The following HAUS8 variants were observed in gnomAD, a reference collection of about 807,000 sequenced individuals.
The protein encoded by HAUS8 is HAUS augmin like complex subunit 8, also known as HAUS augmin-like complex subunit 8.
A neutral mutation model predicts 42.9 loss-of-function variants in HAUS8; 38 were observed. The ratio of observed to expected loss-of-function variants is 0.89; its 90% confidence interval spans 0.68 to 1.16. HAUS8 has a LOEUF of 1.16. Ranked by LOEUF, HAUS8 falls within the 50% of genes most tolerant of loss-of-function variation. The probability of loss-of-function intolerance (pLI) is 0.00; values close to 1 mark genes in which losing one functional copy is unlikely to be tolerated. For missense variants in HAUS8, 494 were observed against 511.6 expected, an observed-to-expected ratio of 0.97 and a Z score of 0.33; for synonymous variants, 199 against 205.8, an observed-to-expected ratio of 0.97 and a Z score of 0.28.
At chr19:17,063,850 C>G (rs1035418863) in intron 3 of HAUS8, among the ~76,000 whole-genome samples, 2 of 152,190 alleles carry the variant, frequency 1.3e-5, no homozygotes, top group African/African-American at 2.4e-5. Context: ...CTGGTCTCAG[C>G]CCTTCAGACT....
At chr19:17,056,641 A>C (rs944471604) in intron 8 of HAUS8, among the ~76,000 whole-genome samples, 3 of 152,124 alleles carry the variant, frequency 2.0e-5, no homozygotes, top group Non-Finnish European at 2.9e-5. Flanking sequence ...CCCAGGCTGG[A>C]GTGCAGCGGC....
intron 4 of HAUS8, among the ~76,000 whole-genome samples, chr19:17,062,371 G>A (rs1034457122): frequency 6.6e-6 from 1 of 152,168 alleles, no homozygotes; most frequent in Non-Finnish European, 1.5e-5. Context: ...ACCTCAGGAT[G>A]AGTCCTCACA....
intron 10 of HAUS8, among the ~76,000 whole-genome samples, chr19:17,050,415 G>T (rs2057280421): frequency 6.6e-6 from 1 of 152,126 alleles, no homozygotes; most frequent in African/African-American, 2.4e-5. Context: ...TCAGTGCTGT[G>T]CTGCTGCTGT....
At chr19:17,057,856 C>T (rs1048659664) in intron 8 of HAUS8, among the ~76,000 whole-genome samples, 1 of 152,226 alleles carries the variant, frequency 6.6e-6, no homozygotes. Context: ...TAATCCAACA[C>T]GACTGGTGTC....
At chr19:17,073,598 G>T in intron 1 of HAUS8, 1 of 503,228 alleles carries the variant, frequency 2.0e-6, no homozygotes, top group South Asian at 2.2e-5. Context: ...GATCACAGCA[G>T]ATCTCAAATT....
At position 17,049,884 on chromosome 19, in the gene HAUS8, C is replaced by T. The variant is rs1271961506; in HGVS notation, c.1222G>A (p.Asp408Asn). Residue 408 changes from aspartate (D) to asparagine (N), a missense_variant, in exon 11 of 11, where the codon GAC (aspartate) becomes AAC (asparagine). By Grantham distance (23) the Asp-to-Asn change is conservative (BLOSUM62 1). Transcript: ENST00000253669. ...AATGTAACCATGAGTCATGACAAGT[C>T]CCTCCCTGAACGAGAGAGAGAGGGC... ...VPPSLSRSGRDLS is the reference protein window; with the variant it reads ...VPPSLSRSGRNLS 2.0e-5 allele frequency: 30 copies of T among 1,490,386 alleles called. No individual in the cohort carries two copies. Among genetic ancestry groups the T allele is most frequent in the Non-Finnish European group, 2.6e-5 (29 of 1,119,352 alleles). The allele number at this position is 1,490,386 out of a possible 1,614,324, so 92.3% of individuals were successfully genotyped here.
At position 17,058,841 on chromosome 19, in the gene HAUS8, C is replaced by CT. The variant is rs1464499096; in HGVS notation, c.455dup (p.Thr153AspfsTer17). On this transcript the variant is annotated frameshift_variant, in exon 7 of 11. Coordinates refer to ENST00000253669, the MANE Select transcript of HAUS8 (RefSeq NM_033417.2). LOFTEE classifies it high-confidence loss of function. Reference sequence around the variant, plus strand: ...CGGATAGTAGCGTCAGCAGTAGTGTCTGAGACTCCATCATTTCCATTGCTT... The same window carrying CT: ...CGGATAGTAGCGTCAGCAGTAGTGTCTTGAGACTCCATCATTTCCATTGCTT... The CT allele has an allele frequency of 6.2e-7, 1 of 1,613,464 alleles. No homozygotes were observed. The highest frequency in any genetic ancestry group is 2.2e-5 in the East Asian group (1 of 44,894).
chr19:17,059,050 C>A (rs578252799), intron 6 of HAUS8, among the ~76,000 whole-genome samples, 174 bp from the exon 7 acceptor site: 2 of 152,164 alleles, frequency 1.3e-5, no homozygotes, highest in African/African-American at 4.8e-5. Context: ...TGGTTTTCTG[C>A]GGCGCTGAGA....
At chr19:17,051,337 C>G (rs1421141056) in intron 10 of HAUS8, among the ~76,000 whole-genome samples, 1 of 150,998 alleles carries the variant, frequency 6.6e-6, no homozygotes, top group African/African-American at 2.4e-5. Flanking sequence ...AAAAGATACT[C>G]TACTGGAAGA....
intron 5 of HAUS8, 129 bp from the exon 6 acceptor site, chr19:17,059,780 T>A (rs2057349121): frequency 2.8e-6 from 2 of 702,592 alleles, no homozygotes; most frequent in Admixed American, 2.7e-5. Context: ...TATGGACTTA[T>A]AACAGTCCAG....
intron 3 of HAUS8, among the ~76,000 whole-genome samples, chr19:17,067,216 A>G (rs1568640608): frequency 6.6e-6 from 1 of 151,682 alleles, no homozygotes; most frequent in East Asian, 1.9e-4. Flanking sequence ...AAAAAAAAAA[A>G]AAAAGGAAGG....
At chr19:17,063,376 G>A (rs2057371897) in intron 3 of HAUS8, among the ~76,000 whole-genome samples, 1 of 152,160 alleles carries the variant, frequency 6.6e-6, no homozygotes, top group East Asian at 1.9e-4. Context: ...ACGACGCACA[G>A]ACACCACTCT....
chr19:17,067,761 G>A (rs1192999936), intron 3 of HAUS8, among the ~76,000 whole-genome samples: 6 of 152,090 alleles, frequency 3.9e-5, no homozygotes, highest in South Asian at 4.1e-4. Context: ...TCACAGGGTC[G>A]AGAACCCACC....
intron 1 of HAUS8, 73 bp downstream of exon 1, chr19:17,075,321 C>A: frequency 6.4e-7 from 1 of 1,555,184 alleles, no homozygotes; most frequent in Non-Finnish European, 8.9e-7. Flanking sequence ...GGTCCTAACT[C>A]CCCACCTCCG....
intron 3 of HAUS8, among the ~76,000 whole-genome samples, chr19:17,064,476 C>A (rs1467137532): frequency 6.6e-6 from 1 of 152,134 alleles, no homozygotes; most frequent in East Asian, 1.9e-4. Flanking sequence ...GGACTTAGTG[C>A]AAAGCTACAG....
intron 9 of HAUS8, among the ~76,000 whole-genome samples, chr19:17,054,552 A>G (rs143198569): frequency 0.075 from 11,362 of 152,166 alleles, 524 homozygotes; most frequent in South Asian, 0.091. Context: ...CTGTAATCCC[A>G]GCACTTTGGG....
At chr19:17,067,817 T>G (rs2057396015) in intron 3 of HAUS8, among the ~76,000 whole-genome samples, 1 of 152,200 alleles carries the variant, frequency 6.6e-6, no homozygotes, top group African/African-American at 2.4e-5. Flanking sequence ...GACTTAATTT[T>G]ATCATAAACC....
intron 1 of HAUS8, chr19:17,074,141 G>C (rs1218338621): frequency 6.6e-6 from 1 of 152,314 alleles, no homozygotes; most frequent in Non-Finnish European, 1.5e-5. Context: ...GATGACTAGG[G>C]GTTTCAGGGT....
chr19:17,071,235 T>C (rs1247527618), intron 2 of HAUS8, among the ~76,000 whole-genome samples: 1 of 152,162 alleles, frequency 6.6e-6, no homozygotes, highest in African/African-American at 2.4e-5. Context: ...AGTTGATTCT[T>C]CTGTTGGGGA....
Sources: allele counts gnomAD v4.1 joint callset (sites outside exome capture counted in the v4.1 genomes callset), GRCh38; gene constraint gnomAD v4.1.1; transcripts MANE v1.5; gene names NCBI Gene and HGNC (gene_info 2026-07-23, HGNC 2026-07-21).